The following ACAP2 variants were observed in gnomAD, a reference collection of about 807,000 sequenced individuals.
ACAP2 encodes the protein ArfGAP with coiled-coil, ankyrin repeat and PH domains 2, also known as arf-GAP with coiled-coil, ANK repeat and PH domain-containing protein 2.
In ACAP2, 39 loss-of-function variants were observed where a neutral mutation model predicts 115.8. That is an observed-to-expected ratio of 0.34 (90% CI 0.26 to 0.44). The LOEUF (loss-of-function observed/expected upper bound fraction) is 0.44. Ranked by LOEUF, ACAP2 falls within the 20% of genes least tolerant of loss-of-function variation. The pLI, the probability that ACAP2 is intolerant of heterozygous loss-of-function variation, is 1.00. For missense variants in ACAP2, 662 were observed against 927.6 expected (o/e 0.71, Z 3.72); for synonymous variants, 289 against 315.8 (o/e 0.92, Z 0.90).
chr3:195,392,627 C>T (rs1734754371), intron 1 of ACAP2, among the ~76,000 whole-genome samples: 2 of 152,154 alleles, frequency 1.3e-5, no homozygotes, highest in Admixed American at 1.3e-4. Context: ...GACTAATTTT[C>T]ATCTCTCTTC....
intron 1 of ACAP2, among the ~76,000 whole-genome samples, chr3:195,423,553 G>GTGGAGGT (rs1360775021): frequency 6.6e-6 from 1 of 150,384 alleles, no homozygotes; most frequent in African/African-American, 2.5e-5. Flanking sequence ...AACCTGGGAG[G>GTGGAGGT]TGGAGGTTGC....
chr3:195,292,742 T>C (rs1289033308), intron 18 of ACAP2, among the ~76,000 whole-genome samples: 2 of 151,766 alleles, frequency 1.3e-5, no homozygotes, highest in African/African-American at 4.8e-5. Flanking sequence ...GCCAACATGG[T>C]GAAACCTCGT....
At chr3:195,404,204 T>C (rs1374123025) in intron 1 of ACAP2, among the ~76,000 whole-genome samples, 2 of 151,896 alleles carry the variant, frequency 1.3e-5, no homozygotes, top group South Asian at 2.1e-4. Context: ...GAGGGTGTCA[T>C]AGAGAAGGGA....
intron 4 of ACAP2, among the ~76,000 whole-genome samples, chr3:195,355,666 C>A (rs540644959): frequency 1.8e-4 from 28 of 152,226 alleles, no homozygotes; most frequent in African/African-American, 6.7e-4. Context: ...ACATGTATGA[C>A]CACAGTTAAA....
intron 22 of ACAP2, among the ~76,000 whole-genome samples, chr3:195,284,525 T>A (rs1726718808): frequency 1.3e-5 from 2 of 152,212 alleles, no homozygotes. Flanking sequence ...AATATCTAGC[T>A]GAAGTGCCTC....
intron 4 of ACAP2, among the ~76,000 whole-genome samples, chr3:195,359,569 G>A (rs1732212361): frequency 1.3e-5 from 2 of 152,178 alleles, no homozygotes; most frequent in African/African-American, 4.8e-5. Flanking sequence ...CGGGGTTCAC[G>A]CCATTCTCCT....
chr3:195,315,945 A>G (rs1262774295), intron 10 of ACAP2, among the ~76,000 whole-genome samples: 1 of 152,226 alleles, frequency 6.6e-6, no homozygotes, highest in Admixed American at 6.5e-5. Context: ...TGGCAGTGCA[A>G]TATTCTACTA....
At chr3:195,351,576 T>C (rs564569278) in intron 4 of ACAP2, among the ~76,000 whole-genome samples, 3 of 151,632 alleles carry the variant, frequency 2.0e-5, no homozygotes, top group Admixed American at 1.3e-4. Flanking sequence ...ATTCTCCTGC[T>C]TCAGCCTCCC....
intron 4 of ACAP2, among the ~76,000 whole-genome samples, chr3:195,377,194 G>C (rs1187792338): frequency 7.5e-6 from 1 of 133,264 alleles, no homozygotes; most frequent in Non-Finnish European, 1.5e-5. Flanking sequence ...ACTCAGGCTG[G>C]AGTGCAGTAG....
chr3:195,427,821 C>T (rs145690621), intron 1 of ACAP2, among the ~76,000 whole-genome samples: 2,509 of 152,080 alleles, frequency 0.016, 59 homozygotes, highest in African/African-American at 0.056. Flanking sequence ...GTGGAAGGAT[C>T]ACTTGAGCCT....
chr3:195,310,410 T>C (rs950040941), intron 10 of ACAP2, among the ~76,000 whole-genome samples: 1 of 152,270 alleles, frequency 6.6e-6, no homozygotes, highest in East Asian at 1.9e-4. Context: ...GTTAAGGAAA[T>C]ACCTACAAAC....
intron 4 of ACAP2, among the ~76,000 whole-genome samples, chr3:195,359,669 G>A (rs559614731): frequency 5.6e-4 from 86 of 152,242 alleles, no homozygotes; most frequent in African/African-American, 1.9e-3. Context: ...GGGCTTCACC[G>A]TGTTAGCCAG....
At chr3:195,296,452 T>C (rs1405546320) in intron 16 of ACAP2, among the ~76,000 whole-genome samples, 4 of 152,162 alleles carry the variant, frequency 2.6e-5, no homozygotes, top group African/African-American at 7.2e-5. Context: ...AAAGTTTAGG[T>C]CTTTGGTTAA....
At chr3:195,409,297 T>C (rs1227139263) in intron 1 of ACAP2, among the ~76,000 whole-genome samples, 1 of 152,038 alleles carries the variant, frequency 6.6e-6, no homozygotes, top group Non-Finnish European at 1.5e-5. Context: ...ACATTAAGAA[T>C]GTACAATCTG....
At chr3:195,310,683 T>C (rs1434532119) in intron 10 of ACAP2, among the ~76,000 whole-genome samples, 1 of 152,184 alleles carries the variant, frequency 6.6e-6, no homozygotes, top group East Asian at 1.9e-4. Flanking sequence ...TAGGACAATA[T>C]CTTCTAAAAA....
At chr3:195,358,328 C>A (rs1309450574) in intron 4 of ACAP2, among the ~76,000 whole-genome samples, 1 of 152,072 alleles carries the variant, frequency 6.6e-6, no homozygotes, top group Admixed American at 6.6e-5. Flanking sequence ...CCTAGATAAT[C>A]ACAAATATCC....
At chr3:195,409,194 C>G (rs1173985899) in intron 1 of ACAP2, among the ~76,000 whole-genome samples, 1 of 151,920 alleles carries the variant, frequency 6.6e-6, no homozygotes, top group Non-Finnish European at 1.5e-5. Context: ...GTAGAAAACC[C>G]TAAAGATTCC....
intron 15 of ACAP2, among the ~76,000 whole-genome samples, chr3:195,298,638 CT>C (rs573074407): frequency 1.3e-4 from 19 of 148,216 alleles, no homozygotes; most frequent in East Asian, 3.9e-4. Flanking sequence ...CCATTTATTC[CT>C]TTTTTTTTTG....
At chr3:195,317,147 C>T (rs564304793) in intron 10 of ACAP2, among the ~76,000 whole-genome samples, 1 of 151,984 alleles carries the variant, frequency 6.6e-6, no homozygotes, top group African/African-American at 2.4e-5. Flanking sequence ...ATTCACCTGC[C>T]CCAGCCTCCC....
Sources: gnomAD v4.1 joint callset for allele counts (sites outside exome capture counted in the v4.1 genomes callset) on GRCh38, gnomAD v4.1.1 for gene constraint, MANE v1.5 for transcripts, NCBI Gene and HGNC (gene_info 2026-07-23, HGNC 2026-07-21) for gene names.